NRP1: variants seen among roughly 807,000 people sequenced by gnomAD.
NRP1 encodes the protein neuropilin-1.
A neutral mutation model predicts 106.7 loss-of-function variants in NRP1; 35 were observed. The ratio of observed to expected loss-of-function variants is 0.33; its 90% CI spans 0.25 to 0.43. The LOEUF (loss-of-function observed/expected upper bound fraction) is 0.43, where lower values mean the gene tolerates loss of function less well. Ranked by LOEUF, NRP1 falls within the 20% of genes least tolerant of loss-of-function variation. NRP1 has a pLI of 1.00. For synonymous variants in NRP1, 437 were observed against 417.9 expected (o/e 1.05, Z -0.56); for missense variants, 1,024 against 1,170.4 (o/e 0.87, Z 1.83).
chr10:33,244,159 G>C (rs1440786847), intron 6 of NRP1, among the ~76,000 whole-genome samples: 1 of 152,120 alleles, frequency 6.6e-6, no homozygotes, highest in Non-Finnish European at 1.5e-5. Context: ...TTTGGAGAAG[G>C]TGGCTGTGGA....
chr10:33,261,495 C>G (rs1842570713), intron 4 of NRP1, among the ~76,000 whole-genome samples: 1 of 152,162 alleles, frequency 6.6e-6, no homozygotes, highest in African/African-American at 2.4e-5. Context: ...AATCAGAACT[C>G]TGGGCAAATC....
chr10:33,185,648 A>G lies in NRP1; in HGVS notation c.2411T>C (p.Ile804Thr). The G allele has an allele frequency of 6.2e-7, 1 of 1,613,820 alleles. No homozygotes were observed. ...CTTACTTGCACAATCTTCTTGTGAA[A>G]TGTGGTTATTAATACTAATGTCATC... is the stretch of plus-strand genomic sequence containing the variant. ...AVDDISINNH[I>T]SQEDCAKPAD... Residue 804 changes from isoleucine to threonine, a missense_variant, in exon 15 of 17, where the codon ATT becomes ACT. Coordinates refer to ENST00000374867, the MANE Select transcript of NRP1 (RefSeq NM_003873.7).
chr10:33,180,039 T>G lies in NRP1; in HGVS notation c.*37A>C. 6.3e-7 allele frequency: 1 copy of G among 1,599,600 alleles called. No homozygotes were observed. On this transcript the variant is annotated 3_prime_UTR_variant, in exon 17 of 17. Transcript: ENST00000374867. Reference sequence around the variant, plus strand: ...CCCCAGCTCACTCCCGTCCTTCCACTTCCGTCCTTTGACTGTCTTTTCATC... The same window carrying G: ...CCCCAGCTCACTCCCGTCCTTCCACGTCCGTCCTTTGACTGTCTTTTCATC...
At chr10:33,293,581 C>G (rs1232652984) in intron 2 of NRP1, among the ~76,000 whole-genome samples, 1 of 152,174 alleles carries the variant, frequency 6.6e-6, no homozygotes, top group Admixed American at 6.5e-5. Flanking sequence ...GTCACACGAC[C>G]AACCGTCCAC....
At chr10:33,314,641 C>A (rs539531336) in intron 2 of NRP1, among the ~76,000 whole-genome samples, 3 of 152,086 alleles carry the variant, frequency 2.0e-5, no homozygotes, top group Non-Finnish European at 4.4e-5. Flanking sequence ...TTGTGCCACA[C>A]GCCTTAAGAA....
intron 4 of NRP1, 74 bp downstream of exon 4, chr10:33,263,572 T>A (rs1403480930): frequency 9.1e-7 from 1 of 1,093,172 alleles, no homozygotes; most frequent in Non-Finnish European, 1.4e-6. Context: ...TCATGTATCA[T>A]GAGACTTGTA....
At chr10:33,251,232 A>G (rs2133152755) in intron 6 of NRP1, among the ~76,000 whole-genome samples, 1 of 152,244 alleles carries the variant, frequency 6.6e-6, no homozygotes, top group Admixed American at 6.5e-5. Context: ...GCCGCCATGT[A>G]AGACGTGCCT....
At chr10:33,244,659 T>C (rs886777743) in intron 6 of NRP1, among the ~76,000 whole-genome samples, 4 of 152,184 alleles carry the variant, frequency 2.6e-5, no homozygotes, top group African/African-American at 9.7e-5. Flanking sequence ...TAATATTATC[T>C]TTCCCATGAA....
chr10:33,229,843 T>A (rs897772724), intron 6 of NRP1, among the ~76,000 whole-genome samples: 2 of 152,070 alleles, frequency 1.3e-5, no homozygotes, highest in African/African-American at 4.8e-5. Context: ...TCAACAGCAA[T>A]GAAATGCATT....
intron 6 of NRP1, among the ~76,000 whole-genome samples, chr10:33,233,495 C>T (rs185486137): frequency 1.3e-5 from 2 of 152,200 alleles, no homozygotes; most frequent in East Asian, 3.8e-4. Context: ...TGGTTAAACA[C>T]CAGCACGCAG....
intron 2 of NRP1, among the ~76,000 whole-genome samples, chr10:33,287,811 A>G (rs1350379191): frequency 6.6e-6 from 1 of 152,160 alleles, no homozygotes; most frequent in African/African-American, 2.4e-5. Context: ...TAGGATATCA[A>G]TCAATAGCAT....
chr10:33,283,809 A>G (rs1464469881), intron 2 of NRP1, among the ~76,000 whole-genome samples: 1 of 152,218 alleles, frequency 6.6e-6, no homozygotes, highest in Non-Finnish European at 1.5e-5. Context: ...ATGGCCATAA[A>G]CATTACCTAA....
At chr10:33,255,335 T>C (rs1842124948) in intron 5 of NRP1, among the ~76,000 whole-genome samples, 1 of 152,194 alleles carries the variant, frequency 6.6e-6, no homozygotes, top group South Asian at 2.1e-4. Flanking sequence ...TGAGATCTGG[T>C]GTAGAAGATA....
intron 6 of NRP1, among the ~76,000 whole-genome samples, chr10:33,239,605 T>C (rs1425620198): frequency 2.0e-5 from 3 of 152,134 alleles, no homozygotes; most frequent in Non-Finnish European, 4.4e-5. Context: ...AAAACTAGAG[T>C]CTGCTAACTG....
intron 2 of NRP1, among the ~76,000 whole-genome samples, chr10:33,304,647 G>A (rs1846022164): frequency 1.3e-5 from 2 of 152,116 alleles, no homozygotes; most frequent in South Asian, 2.1e-4. Context: ...GTTCTCTGGG[G>A]GATGAAATGA....
intron 15 of NRP1, among the ~76,000 whole-genome samples, chr10:33,185,030 T>TG (rs1280127797): frequency 1.3e-5 from 2 of 152,232 alleles, no homozygotes; most frequent in African/African-American, 4.8e-5. Context: ...GAATATGAAT[T>TG]GGTTTTCTAT....
rs749539019 is a variant in NRP1, at chr10:33,263,835, C to T, written c.469G>A (p.Val157Met). 1.9e-6 allele frequency: 3 copies of T among 1,613,632 alleles called. No individual in the cohort carries two copies. The highest frequency in any genetic ancestry group is 2.2e-5 in the East Asian group (1 of 44,878). Residue 157 changes from valine to methionine, a missense_variant, in exon 4 of 17, where the codon GTG becomes ATG. Val to Met is a conservative substitution (Grantham distance 21). This residue lies in a region of NRP1 where 279 missense variants were observed against 327.4 expected (regional missense o/e 0.85). Transcript: ENST00000374867. ...CSQNYTTPSGVIKSPGFPEKY... is the reference protein window; with the variant it reads ...CSQNYTTPSGMIKSPGFPEKY... ...TCAGGGAATCCGGGGGACTTTATCACTCCACTAGGTGTTGTGTAGTTCTGG... is the reference window on the plus strand; with the variant it reads ...TCAGGGAATCCGGGGGACTTTATCATTCCACTAGGTGTTGTGTAGTTCTGG...
intron 10 of NRP1, 143 bp from the exon 11 acceptor site, chr10:33,203,138 GC>G (rs2132707941): frequency 1.3e-6 from 1 of 744,972 alleles, no homozygotes; most frequent in South Asian, 1.9e-5. Flanking sequence ...TCTTTCAGGA[GC>G]TAGATATACT....
chr10:33,192,872 G>A (rs1205903832), intron 12 of NRP1, among the ~76,000 whole-genome samples: 2 of 152,298 alleles, frequency 1.3e-5, no homozygotes, highest in East Asian at 1.9e-4. Context: ...GTAACTTGGC[G>A]AAATGCCTCA....
Sources: allele counts gnomAD v4.1 joint callset (sites outside exome capture counted in the v4.1 genomes callset), GRCh38; gene constraint gnomAD v4.1.1; regional missense constraint gnomAD v4.1.1; transcripts MANE v1.5; gene names NCBI Gene and HGNC (gene_info 2026-07-23, HGNC 2026-07-21).